The following ZHX3 variants were observed in gnomAD, a reference collection of about 807,000 sequenced individuals.
ZHX3 encodes zinc fingers and homeoboxes protein 3.
A neutral mutation model predicts 64.5 loss-of-function variants in ZHX3; 20 were observed. The observed-to-expected ratio is 0.31, with a 90% CI of 0.22 to 0.45. The LOEUF (loss-of-function observed/expected upper bound fraction) is 0.45. ZHX3 is among the 20% of genes least tolerant of loss of function. The pLI, the probability that ZHX3 is intolerant of heterozygous loss-of-function variation, is 1.00. For missense variants in ZHX3, 1,041 were observed against 1,195.8 expected (o/e 0.87, Z 1.91); for synonymous variants, 423 against 461.6 (o/e 0.92, Z 1.07).
chr20:41,199,655 A>G (rs2038054634), intron 3 of ZHX3, among the ~76,000 whole-genome samples: 1 of 151,598 alleles, frequency 6.6e-6, no homozygotes, highest in East Asian at 1.9e-4. Context: ...CAGCCTCTGC[A>G]CTGGCCCCCT....
At chr20:41,216,148 C>T (rs2039518796) in intron 2 of ZHX3, among the ~76,000 whole-genome samples, 1 of 152,116 alleles carries the variant, frequency 6.6e-6, no homozygotes, top group African/African-American at 2.4e-5. Flanking sequence ...ACATTCTACA[C>T]CATGAAACAC....
rs991443228 is a variant in ZHX3, at chr20:41,228,803, A to T, written c.-150-23737T>A. Among the ~76,000 whole-genome samples, 1 of 152,144 alleles carries T rather than the reference A, an allele frequency of 6.6e-6. No individual in the cohort carries two copies. Among genetic ancestry groups the T allele is most frequent in the Non-Finnish European group, 1.5e-5 (1 of 68,020 alleles). ...ACTTATTTTTTTCCTAGTTTCCTTTATTCACATCTCTCTTTTCTCTTTTCC... is the reference window on the plus strand; with the variant it reads ...ACTTATTTTTTTCCTAGTTTCCTTTTTTCACATCTCTCTTTTCTCTTTTCC... On this transcript the variant is annotated intron_variant, in intron 2 of 3. Transcript: ENST00000683867. This position sits in a 1 kb window ranked among gnomAD's most constrained non-coding sequence, Gnocchi z 4.6.
intron 1 of ZHX3, among the ~76,000 whole-genome samples, 152 bp downstream of exon 1, chr20:41,317,357 G>A (rs1238985313): frequency 2.0e-5 from 3 of 152,128 alleles, no homozygotes; most frequent in African/African-American, 4.8e-5. Flanking sequence ...CGGCGGGAGG[G>A]GGCTGACTGA....
rs2038511293 is a variant in ZHX3 at position 41,204,231 on chromosome 20, T to G, written c.686A>C (p.Asp229Ala). ...AACTGCCCCATTGATGAAGGAATGG[T>G]CCCCCTCTCTCACCTCCATTTCTCC... ...STGEMEVREG[D>A]HSFINGAVPV... Residue 229 changes from aspartate to alanine, a missense_variant, in exon 3 of 4, where the codon GAC becomes GCC. Transcript: ENST00000683867. This position sits in a 1 kb window ranked among gnomAD's most constrained non-coding sequence, Gnocchi z 6.6. 1 of 1,613,524 alleles carries G rather than the reference T, an allele frequency of 6.2e-7. No homozygotes were observed. Among genetic ancestry groups the G allele is most frequent in the Non-Finnish European group, 8.5e-7 (1 of 1,179,748 alleles).
intron 2 of ZHX3, among the ~76,000 whole-genome samples, chr20:41,261,985 GTTCCA>G (rs1568913718): frequency 2.0e-5 from 3 of 152,170 alleles, no homozygotes; most frequent in Non-Finnish European, 4.4e-5. Flanking sequence ...TTGGTCAGTA[GTTCCA>G]CCATCTATCA....
chr20:41,286,488 CTTA>C (rs1384239725), intron 1 of ZHX3, among the ~76,000 whole-genome samples: 1 of 152,166 alleles, frequency 6.6e-6, no homozygotes, highest in African/African-American at 2.4e-5. Context: ...GTAAGTCATA[CTTA>C]TTATAGTCAA....
chr20:41,230,536 T>G (rs1391611107), intron 2 of ZHX3, among the ~76,000 whole-genome samples: 1 of 152,188 alleles, frequency 6.6e-6, no homozygotes, highest in African/African-American at 2.4e-5. Context: ...CTAATGTGAA[T>G]TGAGATGTAC....
At chr20:41,186,925 T>C (rs2146108526) in intron 3 of ZHX3, among the ~76,000 whole-genome samples, 1 of 152,374 alleles carries the variant, frequency 6.6e-6, no homozygotes, top group South Asian at 2.1e-4. Context: ...GTGGGTTCTT[T>C]CATTCTTTTA....
At chr20:41,266,341 G>A (rs888532312) in intron 2 of ZHX3, among the ~76,000 whole-genome samples, 6 of 152,034 alleles carry the variant, frequency 3.9e-5, no homozygotes, top group African/African-American at 1.5e-4. Context: ...AAAACTCTCA[G>A]TGATTCCAGT....
At chr20:41,294,684 TAAG>T (rs2044418693) in intron 1 of ZHX3, among the ~76,000 whole-genome samples, 1 of 151,820 alleles carries the variant, frequency 6.6e-6, no homozygotes, top group Admixed American at 6.6e-5. Context: ...TTTTAAAACC[TAAG>T]ATTTAATAAA....
chr20:41,224,746 A>G lies in ZHX3; in HGVS notation c.-150-19680T>C, dbSNP rs1468346642. ...TTATAATTCCAACAGAGGACTTCTG[A>G]GCTATCTTCCCCTTTGCCTCTTTGA... is the stretch of plus-strand genomic sequence containing the variant. On this transcript the variant is annotated intron_variant, in intron 2 of 3. Transcript: ENST00000683867. The surrounding 1 kb of genome is among the most constrained non-coding windows in gnomAD (Gnocchi z 5.2). Among the ~76,000 whole-genome samples, 1 of 152,230 alleles carries G rather than the reference A, an allele frequency of 6.6e-6. No individual in the cohort carries two copies. Among genetic ancestry groups the G allele is most frequent in the Non-Finnish European group, 1.5e-5 (1 of 68,032 alleles).
rs528809403 is a variant in ZHX3 at position 41,210,397 on chromosome 20, C to T, written c.-150-5331G>A. 9.9e-5 allele frequency among the ~76,000 whole-genome samples: 15 copies of T among 152,254 alleles called. No individual in the cohort carries two copies. In the East Asian group the frequency reaches 1.9e-3, roughly 20 times the overall value. On this transcript the variant is annotated intron_variant, in intron 2 of 3. Coordinates refer to ENST00000683867, the MANE Select transcript of ZHX3 (RefSeq NM_001384317.1). The stretch of plus-strand genomic sequence containing the variant: ...ATGCTGCTATAAAGACACATGCACA[C>T]GTATGTTTATTGCGGCACTATTCAC...
chr20:41,266,702 C>T (rs930001601), intron 2 of ZHX3, among the ~76,000 whole-genome samples: 6 of 151,304 alleles, frequency 4.0e-5, no homozygotes, highest in Non-Finnish European at 5.9e-5. Flanking sequence ...CGCGCCACTG[C>T]GCCCAGCTAA....
intron 1 of ZHX3, among the ~76,000 whole-genome samples, chr20:41,316,364 C>G (rs898229842): frequency 3.9e-5 from 6 of 152,114 alleles, no homozygotes; most frequent in African/African-American, 1.4e-4. Context: ...TAATGAAGTG[C>G]GCTTTTGGCT....
chr20:41,241,912 A>C (rs990722845), intron 2 of ZHX3, among the ~76,000 whole-genome samples: 6 of 152,216 alleles, frequency 3.9e-5, no homozygotes, highest in African/African-American at 1.2e-4. Context: ...TTATAAAAGT[A>C]AGCTCAAGCA....
At chr20:41,187,683 A>AC in intron 3 of ZHX3, among the ~76,000 whole-genome samples, 1 of 152,340 alleles carries the variant, frequency 6.6e-6, no homozygotes, top group East Asian at 1.9e-4. Flanking sequence ...GCTTTGTAGT[A>AC]CAATTTGAAA....
chr20:41,227,450 T>G (rs1465822938), intron 2 of ZHX3, among the ~76,000 whole-genome samples: 5 of 152,136 alleles, frequency 3.3e-5, no homozygotes, highest in African/African-American at 7.2e-5. Context: ...AGTACATATA[T>G]CTCCCTATTC....
intron 1 of ZHX3, among the ~76,000 whole-genome samples, chr20:41,304,854 T>G (rs775662213): frequency 7.2e-5 from 11 of 152,262 alleles, no homozygotes; most frequent in Middle Eastern, 3.4e-3. Context: ...GCCAAGTGGG[T>G]ATAAAGTGAG....
Position 41,196,402 on chromosome 20 carries a change from T to TTATAAATA in ZHX3, c.2860+5654_2860+5655insTATTTATA, listed in dbSNP as rs58392086. Among the ~76,000 whole-genome samples, 6 of 54,214 alleles carry TTATAAATA rather than the reference T, an allele frequency of 1.1e-4. No homozygotes were observed. The South Asian group carries it at 1.6e-3, about 14-fold the overall frequency. 35.6% of individuals were successfully genotyped at this position (54,214 alleles called of 152,430 possible). On this transcript the variant is annotated intron_variant, in intron 3 of 3. Transcript: ENST00000683867. ...TAACATAAATATATATTTATATATATTATATATTATATATAATATATATTT... is the reference window on the plus strand; with the variant it reads ...TAACATAAATATATATTTATATATATTATAAATATATATATTATATATAATATATATTT...
Sources: gnomAD v4.1 joint callset for allele counts (sites outside exome capture counted in the v4.1 genomes callset) on GRCh38, gnomAD v4.1.1 for gene constraint, Gnocchi (gnomAD v3.1) non-coding constraint, MANE v1.5 for transcripts, NCBI Gene and HGNC (gene_info 2026-07-23, HGNC 2026-07-21) for gene names.